DLG4: variants seen among roughly 807,000 people sequenced by gnomAD.
DLG4 encodes the protein disks large homolog 4.
Under a neutral mutation model 93.8 loss-of-function variants are expected in DLG4, and 7 were observed. That is an observed-to-expected ratio of 0.07 (90% confidence interval 0.04 to 0.14). The LOEUF is 0.14. Ranked by LOEUF, DLG4 falls within the 10% of genes least tolerant of loss-of-function variation. The pLI, the probability that DLG4 is intolerant of heterozygous loss-of-function variation, is 1.00. For missense variants in DLG4, 545 were observed against 992.9 expected, an observed-to-expected ratio of 0.55 and a Z score of 6.06; for synonymous variants, 341 against 387.6, an observed-to-expected ratio of 0.88 and a Z score of 1.41.
chr17:7,207,550 G>C (rs1236326430), intron 2 of DLG4, among the ~76,000 whole-genome samples: 1 of 152,096 alleles, frequency 6.6e-6, no homozygotes, highest in Non-Finnish European at 1.5e-5. Flanking sequence ...AGGCGGGGAA[G>C]GGACAAGAGC....
rs748670308 is a variant in DLG4 at position 7,203,368 on chromosome 17, C to T, written c.506-39G>A. On this transcript the variant is annotated intron_variant, in intron 6 of 19. Transcript: ENST00000399506. The surrounding 1 kb of genome is among the most constrained non-coding windows in gnomAD (Gnocchi z 7.2). The stretch of plus-strand genomic sequence containing the variant: ...AGGCCAGAGGTGGGTGCCCAGGAAG[C>T]AGGCTTGGGGGCACAGGACAGTTGG... 13 of 1,591,526 alleles carry T rather than the reference C, an allele frequency of 8.2e-6. No homozygotes were observed. The South Asian group carries it at 1.4e-4, about 18-fold the overall frequency.
intron 17 of DLG4, 115 bp from the exon 18 acceptor site, chr17:7,192,117 G>T: frequency 3.7e-6 from 2 of 540,468 alleles, no homozygotes. Flanking sequence ...GGCCGAAGGG[G>T]AGTGACATGG....
rs1415236541 is a variant in DLG4, at chr17:7,188,695, G to T, written c.*2013C>A. On this transcript the variant is annotated 3_prime_UTR_variant, in exon 20 of 20. Transcript: ENST00000399506. The stretch of plus-strand genomic sequence containing the variant: ...CCTTTTTTGCCATGGCTATCAGGAA[G>T]CTCAGAGATCACATTTACCCTCACA... Among the ~76,000 whole-genome samples the T allele has an allele frequency of 6.6e-6, 1 of 152,144 alleles. No homozygotes were observed. Among genetic ancestry groups the T allele is most frequent in the Non-Finnish European group, 1.5e-5 (1 of 68,036 alleles).
At chr17:7,218,352 C>T (rs886510900), upstream of DLG4, 39 of 1,524,126 alleles carry the variant, frequency 2.6e-5, no homozygotes, top group African/African-American at 5.5e-5. Flanking sequence ...CTGTCATCAC[C>T]GCTGCTGGCT....
upstream of DLG4, chr17:7,218,419 C>CA (rs1333540098): frequency 5.1e-6 from 7 of 1,375,192 alleles, no homozygotes; most frequent in African/African-American, 8.6e-5. Flanking sequence ...TGGAGGACAC[C>CA]ATAGGCAGGA....
chr17:7,204,170 G>C, intron 3 of DLG4, 29 bp downstream of exon 3: 7 of 1,604,834 alleles, frequency 4.4e-6, no homozygotes, highest in Non-Finnish European at 5.1e-6. Flanking sequence ...TTCTGCAATG[G>C]CCCCAGCCCC....
intron 1 of DLG4, 114 bp downstream of exon 1, chr17:7,217,000 AATAC>A (rs1437078518): frequency 3.0e-6 from 3 of 1,001,774 alleles, no homozygotes; most frequent in African/African-American, 3.4e-5. Context: ...AAGACCCCCA[AATAC>A]ATCTTACTTC....
chr17:7,209,218 G>A (rs543269079), intron 1 of DLG4, among the ~76,000 whole-genome samples: 35 of 152,296 alleles, frequency 2.3e-4, no homozygotes, highest in Non-Finnish European at 4.3e-4. Context: ...CATCCCAAGG[G>A]CCTCCTGTGC....
At chr17:7,218,278 A>C (rs1342105390), upstream of DLG4, 1 of 1,609,008 alleles carries the variant, frequency 6.2e-7, no homozygotes, top group Non-Finnish European at 8.5e-7. Context: ...ATAGTCCAGG[A>C]TGTCTGTCAC....
chr17:7,204,373 C>A, intron 2 of DLG4, 121 bp from the exon 3 acceptor site: 2 of 922,200 alleles, frequency 2.2e-6, no homozygotes, highest in Non-Finnish European at 3.2e-6. Context: ...ACTCCGCCAC[C>A]CTGAGAGCTG....
In DLG4 at chr17:7,187,720, C is replaced by G. The variant is rs900564438; in HGVS notation, c.*2988G>C. Reference sequence around the variant, plus strand: ...TTCAGCTCACGATAGAGAACGTTATCACAGCCTCAAGCCATCTGCTATTAC... The same window carrying G: ...TTCAGCTCACGATAGAGAACGTTATGACAGCCTCAAGCCATCTGCTATTAC... On this transcript the variant is annotated 3_prime_UTR_variant, in exon 20 of 20. Transcript: ENST00000399506. Among the ~76,000 whole-genome samples the G allele has an allele frequency of 6.6e-6, 1 of 152,038 alleles. No individual in the cohort carries two copies. The highest frequency in any genetic ancestry group is 1.5e-5 in the Non-Finnish European group (1 of 68,022).
upstream of DLG4, chr17:7,218,732 C>T (rs934134266): frequency 1.8e-5 from 28 of 1,571,130 alleles, no homozygotes; most frequent in African/African-American, 2.7e-5. Flanking sequence ...GTGCCCTTCA[C>T]CCCAGCCCCT....
At chr17:7,202,717 A>T in intron 8 of DLG4, 186 bp downstream of exon 8, 1 of 775,880 alleles carries the variant, frequency 1.3e-6, no homozygotes, top group Non-Finnish European at 2.0e-6. Flanking sequence ...ATCGTTGACG[A>T]TCTTTTCTAG....
At chr17:7,219,792 TC>T, upstream of DLG4, 1 of 1,505,466 alleles carries the variant, frequency 6.6e-7, no homozygotes. Context: ...CGCTTGGAGA[TC>T]CCTCTAAGTC....
Position 7,194,320 on chromosome 17 carries a change from G to A in DLG4, c.1477C>T (p.Arg493Trp). Residue 493 changes from arginine to tryptophan, a missense_variant and splice_region_variant, in exon 12 of 20, where the codon CGG becomes TGG. Transcript: ENST00000399506. This position sits in a 1 kb window ranked among gnomAD's most constrained non-coding sequence, Gnocchi z 4.4. ...DDIGFIPSKR[R>W]VERREWSRLK... ...GGCTACAGAGCCCAGGAGCCTCACC[G>A]CCGTTTGCTGGGGATGAACCCAATG... 1.2e-6 allele frequency: 2 copies of A among 1,603,172 alleles called. No homozygotes were observed. The highest frequency in any genetic ancestry group is 1.7e-6 in the Non-Finnish European group (2 of 1,175,398).
chr17:7,189,730 G>C lies in DLG4; in HGVS notation c.*978C>G, dbSNP rs2069393177. On this transcript the variant is annotated 3_prime_UTR_variant, in exon 20 of 20. Coordinates refer to ENST00000399506, the MANE Select transcript of DLG4 (RefSeq NM_001321075.3). ...TGGACAGAGCTCCAGACCTTCCCAG[G>C]CTCAGTCTTCACCAACTCGGGTTCC... is the stretch of plus-strand genomic sequence containing the variant. Among the ~76,000 whole-genome samples, 4 of 151,884 alleles carry C rather than the reference G, an allele frequency of 2.6e-5. No homozygotes were observed.
intron 1 of DLG4, among the ~76,000 whole-genome samples, chr17:7,213,055 A>T (rs1455132790): frequency 6.6e-6 from 1 of 151,324 alleles, no homozygotes; most frequent in Non-Finnish European, 1.5e-5. Flanking sequence ...TTAATTAATT[A>T]AAAGTATTTT....
At chr17:7,207,987 T>A in intron 2 of DLG4, 187 bp downstream of exon 2, 1 of 1,026,784 alleles carries the variant, frequency 9.7e-7, no homozygotes. Context: ...TCCCCACGGC[T>A]CTCTCTCACC....
In DLG4 at chr17:7,217,266, A is replaced by G; in HGVS notation, c.-119T>C. 3 of 1,011,468 alleles carry G rather than the reference A, an allele frequency of 3.0e-6. No homozygotes were observed. Among genetic ancestry groups the G allele is most frequent in the Non-Finnish European group, 3.6e-6 (3 of 832,752 alleles). 62.7% of individuals were successfully genotyped at this position (1,011,468 alleles called of 1,614,324 possible). ...GCACCCCACTTTTGCAGGGGGGGCC[A>G]GGATGGGGGGAGGGGTGAGAGGGGA... On this transcript the variant is annotated 5_prime_UTR_variant, in exon 1 of 20. Transcript: ENST00000399506.
Sources: gnomAD v4.1 joint callset for allele counts (sites outside exome capture counted in the v4.1 genomes callset) on GRCh38, gnomAD v4.1.1 for gene constraint, Gnocchi (gnomAD v3.1) non-coding constraint, MANE v1.5 for transcripts, NCBI Gene and HGNC (gene_info 2026-07-23, HGNC 2026-07-21) for gene names.